The following PAM variants were observed in gnomAD, a reference collection of about 807,000 sequenced individuals.
PAM encodes the protein peptidylglycine alpha-amidating monooxygenase.
PAM carries 72 observed loss-of-function variants against 122.1 expected under a neutral mutation model. The ratio of observed to expected loss-of-function variants is 0.59; its 90% CI spans 0.49 to 0.72. The LOEUF (loss-of-function observed/expected upper bound fraction) is 0.72. Among genes scored for constraint, PAM ranks in the 30% least tolerant of loss-of-function variants. The pLI is 0.00. For synonymous variants in PAM, 389 were observed against 404.4 expected, an observed-to-expected ratio of 0.96 and a Z score of 0.46; for missense variants, 1,106 against 1,183.7, an observed-to-expected ratio of 0.93 and a Z score of 0.96.
At chr5:102,838,774 A>G (rs1269596347) in intron 1 of PAM, among the ~76,000 whole-genome samples, 1 of 152,236 alleles carries the variant, frequency 6.6e-6, no homozygotes, top group East Asian at 1.9e-4. Flanking sequence ...TGACACATAT[A>G]TCATGAATGT....
At chr5:102,954,588 T>G (rs1365819116) in intron 12 of PAM, among the ~76,000 whole-genome samples, 1 of 151,928 alleles carries the variant, frequency 6.6e-6, no homozygotes, top group African/African-American at 2.4e-5. Context: ...CACCAAAGTA[T>G]TATATATACT....
At chr5:102,985,800 G>C (rs1771624498) in intron 15 of PAM, among the ~76,000 whole-genome samples, 1 of 152,060 alleles carries the variant, frequency 6.6e-6, no homozygotes, top group African/African-American at 2.4e-5. Context: ...AAAAAGAAAA[G>C]AGCAAGCCAG....
chr5:102,897,237 G>C (rs1284019769), intron 3 of PAM, among the ~76,000 whole-genome samples: 1 of 151,480 alleles, frequency 6.6e-6, no homozygotes, highest in Non-Finnish European at 1.5e-5. Flanking sequence ...TAGGACTTTA[G>C]GGTTCCTTAC....
chr5:102,970,925 GCCT>G (rs2150390875), intron 14 of PAM, among the ~76,000 whole-genome samples: 1 of 152,072 alleles, frequency 6.6e-6, no homozygotes, highest in Admixed American at 6.5e-5. Context: ...TCGTGCCTCC[GCCT>G]CCTAAGTAGC....
chr5:102,799,995 T>TCCAG (rs1764273561), intron 1 of PAM, among the ~76,000 whole-genome samples: 2 of 152,220 alleles, frequency 1.3e-5, no homozygotes, highest in Admixed American at 6.5e-5. Context: ...AATTTACATT[T>TCCAG]CCAGTCTTAT....
At chr5:102,844,378 G>A (rs1350470137) in intron 1 of PAM, among the ~76,000 whole-genome samples, 1 of 152,146 alleles carries the variant, frequency 6.6e-6, no homozygotes, top group African/African-American at 2.4e-5. Flanking sequence ...CCAACTGCAT[G>A]TGAGTCTACA....
intron 14 of PAM, among the ~76,000 whole-genome samples, chr5:102,964,339 C>A (rs1763394835): frequency 6.6e-6 from 1 of 151,978 alleles, no homozygotes; most frequent in Non-Finnish European, 1.5e-5. Context: ...TCTGTGCTTT[C>A]TCACAAACAC....
At chr5:102,982,062 T>C (rs898995657) in intron 15 of PAM, among the ~76,000 whole-genome samples, 2 of 151,886 alleles carry the variant, frequency 1.3e-5, no homozygotes, top group African/African-American at 4.8e-5. Context: ...GCCCACATCA[T>C]TGAGGCCTGG....
At chr5:102,988,629 GA>G (rs1234154313) in intron 15 of PAM, among the ~76,000 whole-genome samples, 8 of 139,906 alleles carry the variant, frequency 5.7e-5, no homozygotes, top group East Asian at 3.9e-4. Context: ...AAAGGAAAGG[GA>G]AAAAAAAGAA....
chr5:102,820,798 G>A (rs1005681650), intron 1 of PAM, among the ~76,000 whole-genome samples: 8 of 152,140 alleles, frequency 5.3e-5, no homozygotes, highest in Non-Finnish European at 1.0e-4. Context: ...TGGGAAAAAC[G>A]GAATGAATTA....
At chr5:102,922,077 A>G (rs1313364145) in intron 5 of PAM, among the ~76,000 whole-genome samples, 1 of 152,062 alleles carries the variant, frequency 6.6e-6, no homozygotes, top group Non-Finnish European at 1.5e-5. Flanking sequence ...AGTGCAATAC[A>G]ATTTAAGCTA....
chr5:102,819,726 C>A (rs776163554), intron 1 of PAM, among the ~76,000 whole-genome samples: 2 of 152,122 alleles, frequency 1.3e-5, no homozygotes, highest in South Asian at 4.1e-4. Flanking sequence ...AGGGATTTCT[C>A]CTTTCATTTA....
chr5:102,779,374 AT>A (rs1174085827), intron 1 of PAM, among the ~76,000 whole-genome samples: 1 of 152,036 alleles, frequency 6.6e-6, no homozygotes, highest in Non-Finnish European at 1.5e-5. Context: ...ATAAGACCTA[AT>A]GAAGTGTTCA....
At chr5:102,895,854 A>G (rs1380990788) in intron 3 of PAM, 2 of 151,718 alleles carry the variant, frequency 1.3e-5, no homozygotes, top group African/African-American at 4.8e-5. Context: ...ATTAAAGGAG[A>G]GGAACATCAG....
intron 5 of PAM, 60 bp from the exon 6 acceptor site, chr5:102,924,897 G>A (rs1748887685): frequency 4.5e-6 from 4 of 892,564 alleles, no homozygotes; most frequent in Non-Finnish European, 3.8e-6. Flanking sequence ...CCACCATGGG[G>A]AGCAATTTAT....
intron 3 of PAM, among the ~76,000 whole-genome samples, chr5:102,894,369 C>G (rs896989144): frequency 5.3e-5 from 8 of 151,528 alleles, no homozygotes; most frequent in African/African-American, 1.9e-4. Flanking sequence ...TTTGATTATC[C>G]ACATTGTCAA....
chr5:102,777,143 G>A (rs982694750), intron 1 of PAM, among the ~76,000 whole-genome samples: 3 of 151,928 alleles, frequency 2.0e-5, no homozygotes, highest in Non-Finnish European at 4.4e-5. Flanking sequence ...TCACCATGTA[G>A]CAATAAAAAT....
intron 1 of PAM, among the ~76,000 whole-genome samples, chr5:102,797,361 G>A (rs1391970828): frequency 6.6e-6 from 1 of 152,088 alleles, no homozygotes; most frequent in African/African-American, 2.4e-5. Context: ...AATATGTCAT[G>A]GTGAGTGTAT....
At chr5:102,844,039 C>A (rs1268143765) in intron 1 of PAM, among the ~76,000 whole-genome samples, 1 of 152,060 alleles carries the variant, frequency 6.6e-6, no homozygotes, top group Non-Finnish European at 1.5e-5. Flanking sequence ...TTTGTAGAAG[C>A]TAAAAACTGG....
Sources: allele counts gnomAD v4.1 joint callset (sites outside exome capture counted in the v4.1 genomes callset), GRCh38; gene constraint gnomAD v4.1.1; transcripts MANE v1.5; gene names NCBI Gene and HGNC (gene_info 2026-07-23, HGNC 2026-07-21).